The following AFF4 variants were observed in gnomAD, a reference collection of about 807,000 sequenced individuals.
AFF4 encodes ALF transcription elongation factor 4.
A neutral mutation model predicts 124.8 loss-of-function variants in AFF4; 13 were observed. The observed-to-expected ratio is 0.10, with a 90% confidence interval of 0.07 to 0.17. The LOEUF (loss-of-function observed/expected upper bound fraction) is 0.17, where lower values mean the gene tolerates loss of function less well. Ranked by LOEUF, AFF4 falls within the 10% of genes least tolerant of loss-of-function variation. The probability of loss-of-function intolerance (pLI) is 1.00; values close to 1 mark genes in which losing one functional copy is unlikely to be tolerated. For synonymous variants in AFF4, 477 were observed against 496.1 expected (o/e 0.96, Z 0.51); for missense variants, 1,092 against 1,403.8 (o/e 0.78, Z 3.55).
rs1342926582 is a variant in AFF4 at position 132,887,398 on chromosome 5, G to A, written c.3005+123C>T. ...GAGTTACTTCCTGCTTGACCCATCA[G>A]GAACAGATTTAAGACAGGATTACAG... On this transcript the variant is annotated intron_variant, in intron 17 of 20. Coordinates refer to ENST00000265343, the MANE Select transcript of AFF4 (RefSeq NM_014423.4). 3.4e-6 allele frequency: 3 copies of A among 884,462 alleles called. No homozygotes were observed. In the African/African-American group the frequency reaches 5.0e-5, roughly 15 times the overall value. The allele number at this position is 884,462 out of a possible 1,614,324, so 54.8% of individuals were successfully genotyped here. A position where few individuals can be genotyped will look rare whatever the true frequency, so the allele number is the denominator to read the frequency against.
intron 5 of AFF4, among the ~76,000 whole-genome samples, chr5:132,910,095 A>C (rs527357492): frequency 6.6e-6 from 1 of 152,360 alleles, no homozygotes; most frequent in South Asian, 2.1e-4. Context: ...GGCAAAACAC[A>C]TTTCTTGTTT....
chr5:132,935,368 G>A (rs1371519146), intron 2 of AFF4, among the ~76,000 whole-genome samples: 1 of 152,192 alleles, frequency 6.6e-6, no homozygotes, highest in Non-Finnish European at 1.5e-5. Context: ...GCTCACACCT[G>A]TAATCCCAGC....
intron 1 of AFF4, among the ~76,000 whole-genome samples, chr5:132,955,466 T>A (rs1363326268): frequency 6.6e-6 from 1 of 152,146 alleles, no homozygotes; most frequent in Admixed American, 6.6e-5. Flanking sequence ...TTGCATAGTG[T>A]ACTACATAAT....
intron 11 of AFF4, among the ~76,000 whole-genome samples, chr5:132,895,976 G>T (rs937568270): frequency 6.6e-6 from 1 of 152,212 alleles, no homozygotes; most frequent in Non-Finnish European, 1.5e-5. Context: ...ACAATACGGG[G>T]AGTACATATC....
In AFF4 at chr5:132,936,266, CAAAAAAAAA is replaced by C. The variant is rs747936348; in HGVS notation, c.123+792_123+800del. 2.1e-3 allele frequency among the ~76,000 whole-genome samples: 94 copies of C among 45,458 alleles called. 2 individuals carry two copies. The highest frequency in any genetic ancestry group is 0.013 in the Admixed American group (42 of 3,234). 29.8% of individuals were successfully genotyped at this position (45,458 alleles called of 152,430 possible). On this transcript the variant is annotated intron_variant, in intron 2 of 20. Transcript: ENST00000265343. ...TGGGCGACAGAGCAAGACTCCGTCTCAAAAAAAAAAAAAAAAAAAAAAAAAAATTAACTT... is the reference window on the plus strand; with the variant it reads ...TGGGCGACAGAGCAAGACTCCGTCTCAAAAAAAAAAAAAAAAAATTAACTT...
chr5:132,922,711 T>G (rs1581307496), intron 5 of AFF4, among the ~76,000 whole-genome samples: 1 of 131,090 alleles, frequency 7.6e-6, no homozygotes, highest in South Asian at 2.3e-4. Flanking sequence ...AACCAGGAGG[T>G]GGAGGTTGCA....
intron 5 of AFF4, among the ~76,000 whole-genome samples, chr5:132,904,636 C>T (rs1760628641): frequency 6.6e-6 from 1 of 152,168 alleles, no homozygotes. Context: ...CTTTCAGCAG[C>T]ATCCATTGTA....
intron 1 of AFF4, among the ~76,000 whole-genome samples, chr5:132,947,283 G>A (rs930641259): frequency 6.6e-6 from 1 of 151,722 alleles, no homozygotes; most frequent in African/African-American, 2.4e-5. Flanking sequence ...CGCACCTGTA[G>A]TCCCAGCTAC....
chr5:132,933,313 C>T (rs1187696651), intron 3 of AFF4, among the ~76,000 whole-genome samples: 1 of 151,676 alleles, frequency 6.6e-6, no homozygotes, highest in Non-Finnish European at 1.5e-5. Flanking sequence ...AGGAGAATCG[C>T]TTGAACCTGG....
chr5:132,894,225 T>C (rs1760332344), intron 11 of AFF4, among the ~76,000 whole-genome samples: 2 of 152,260 alleles, frequency 1.3e-5, no homozygotes, highest in South Asian at 4.1e-4. Flanking sequence ...GGTAACTCTA[T>C]GTTTAACTTT....
At chr5:132,932,875 G>C (rs10900812) in intron 3 of AFF4, among the ~76,000 whole-genome samples, 1 of 152,078 alleles carries the variant, frequency 6.6e-6, no homozygotes, top group East Asian at 1.9e-4. Flanking sequence ...TGTTGTTTAA[G>C]GAAAGAACAA....
intron 19 of AFF4, among the ~76,000 whole-genome samples, chr5:132,884,615 T>A (rs1014553609): frequency 1.3e-5 from 2 of 152,192 alleles, no homozygotes; most frequent in Admixed American, 6.5e-5. Flanking sequence ...GAATGTCAAT[T>A]CTTATAAACA....
chr5:132,930,739 C>A (rs1761279406), intron 4 of AFF4, among the ~76,000 whole-genome samples: 1 of 152,026 alleles, frequency 6.6e-6, no homozygotes, highest in Non-Finnish European at 1.5e-5. Flanking sequence ...CACTAATTCA[C>A]TGGACTTTCT....
intron 2 of AFF4, among the ~76,000 whole-genome samples, chr5:132,936,181 G>A (rs1012914572): frequency 1.2e-4 from 18 of 149,904 alleles, no homozygotes; most frequent in Non-Finnish European, 2.4e-4. Flanking sequence ...GCAGGAGAAT[G>A]GCGTGAACCC....
At chr5:132,896,261 A>G in intron 11 of AFF4, 62 bp downstream of exon 11, 1 of 1,516,674 alleles carries the variant, frequency 6.6e-7, no homozygotes. Flanking sequence ...TGGCTTACTG[A>G]GATTTCCACC....
chr5:132,902,278 C>T (rs187481194), intron 7 of AFF4, among the ~76,000 whole-genome samples, 164 bp downstream of exon 7: 55 of 152,236 alleles, frequency 3.6e-4, no homozygotes, highest in Middle Eastern at 3.4e-3. Context: ...GAACTCCTGA[C>T]CTCACGTGAT....
In AFF4 at chr5:132,892,254, C is replaced by G; in HGVS notation, c.2547G>C (p.Lys849Asn). 1 of 1,614,064 alleles carries G rather than the reference C, an allele frequency of 6.2e-7. No individual in the cohort carries two copies. The change falls in exon 13 of 21, where the codon AAG becomes AAC. Residue 849 changes from lysine to asparagine, a missense_variant. Around this residue, in one of 11 missense-constraint regions of AFF4, gnomAD observed 293 missense variants for 280.2 expected, o/e 1.05. Coordinates refer to ENST00000265343, the MANE Select transcript of AFF4 (RefSeq NM_014423.4). ...SSLKSSSNSNKETSGSSKNSS... is the reference protein window; with the variant it reads ...SSLKSSSNSNNETSGSSKNSS... ...TGTTTTTGCTGCTGCCACTCGTCTC[C>G]TTGTTGCTGTTACTGCTTGACTTTA...
At chr5:132,884,076 ACC>A (rs1436884881) in intron 19 of AFF4, among the ~76,000 whole-genome samples, 2 of 152,192 alleles carry the variant, frequency 1.3e-5, no homozygotes, top group African/African-American at 4.8e-5. Context: ...AACTGTAATC[ACC>A]CCAAGCTTCC....
intron 5 of AFF4, among the ~76,000 whole-genome samples, chr5:132,921,461 T>C (rs1052563529): frequency 4.5e-4 from 64 of 141,802 alleles, no homozygotes; most frequent in Non-Finnish European, 5.3e-4. Context: ...ACAGTTGTTT[T>C]CTTTTTTTTT....
Sources: allele counts gnomAD v4.1 joint callset (sites outside exome capture counted in the v4.1 genomes callset), GRCh38; gene constraint gnomAD v4.1.1; regional missense constraint gnomAD v4.1.1; transcripts MANE v1.5; gene names NCBI Gene and HGNC (gene_info 2026-07-23, HGNC 2026-07-21).